Variants in CDH13 observed in about 807,000 individuals in gnomAD.
CDH13 encodes the protein cadherin-13.
A neutral mutation model predicts 63.8 loss-of-function variants in CDH13; 24 were observed. The observed-to-expected ratio is 0.38, with a 90% CI of 0.27 to 0.53. CDH13 has a LOEUF of 0.53. Among genes scored for constraint, CDH13 ranks in the 20% least tolerant of loss-of-function variants. The pLI, the probability that CDH13 is intolerant of heterozygous loss-of-function variation, is 0.85. For missense variants in CDH13, 1,049 were observed against 903.1 expected, an observed-to-expected ratio of 1.16 and a Z score of -2.07; for synonymous variants, 503 against 355.3, an observed-to-expected ratio of 1.42 and a Z score of -4.67.
chr16:82,778,154 T>C (rs1190800765), intron 1 of CDH13, among the ~76,000 whole-genome samples: 1 of 152,216 alleles, frequency 6.6e-6, no homozygotes, highest in Non-Finnish European at 1.5e-5. Context: ...GTGATTATTT[T>C]AACGCAAAAT....
intron 1 of CDH13, among the ~76,000 whole-genome samples, chr16:82,747,317 C>T (rs562210196): frequency 2.6e-5 from 4 of 152,194 alleles, no homozygotes; most frequent in East Asian, 1.9e-4. Context: ...GGAGTATGCA[C>T]GTTAAAGTTT....
intron 7 of CDH13, among the ~76,000 whole-genome samples, chr16:83,490,019 AC>A (rs2151568770): frequency 7.3e-6 from 1 of 136,502 alleles, no homozygotes; most frequent in African/African-American, 3.2e-5. Context: ...CCACACACAC[AC>A]ACACACACAC....
chr16:82,814,654 T>C (rs866989634), intron 1 of CDH13, among the ~76,000 whole-genome samples: 2 of 152,220 alleles, frequency 1.3e-5, no homozygotes, highest in East Asian at 1.9e-4. Context: ...CTCTTTGTAA[T>C]ATTCTTTATA....
At chr16:83,593,317 A>G (rs914573175) in intron 7 of CDH13, among the ~76,000 whole-genome samples, 5 of 152,198 alleles carry the variant, frequency 3.3e-5, no homozygotes, top group Non-Finnish European at 7.4e-5. Context: ...GCTAACAAAA[A>G]TGCCTTCTTA....
intron 5 of CDH13, among the ~76,000 whole-genome samples, chr16:83,326,970 G>T (rs1324946251): frequency 6.6e-6 from 1 of 152,212 alleles, no homozygotes; most frequent in Non-Finnish European, 1.5e-5. Context: ...TCCGGCCACA[G>T]TCATGTCTGG....
At chr16:82,928,410 A>G (rs1225466322) in intron 2 of CDH13, among the ~76,000 whole-genome samples, 1 of 152,182 alleles carries the variant, frequency 6.6e-6, no homozygotes, top group Non-Finnish European at 1.5e-5. Flanking sequence ...AGATAGGCCC[A>G]ATTAAAATTT....
At chr16:82,756,652 G>T (rs1472296671) in intron 1 of CDH13, among the ~76,000 whole-genome samples, 1 of 152,110 alleles carries the variant, frequency 6.6e-6, no homozygotes, top group East Asian at 1.9e-4. Context: ...GAGAATTATA[G>T]TATTAGCTAC....
intron 2 of CDH13, among the ~76,000 whole-genome samples, chr16:82,888,000 C>G (rs2040949794): frequency 1.3e-5 from 2 of 152,016 alleles, no homozygotes; most frequent in African/African-American, 4.8e-5. Context: ...ACTGTTACTT[C>G]AGAAAAGTAC....
Position 82,839,397 on chromosome 16 carries a change from A to G in CDH13, c.46-18965A>G, listed in dbSNP as rs551997372. On this transcript the variant is annotated intron_variant, in intron 1 of 13. Transcript: ENST00000567109. The stretch of plus-strand genomic sequence containing the variant: ...GGTTCCTGCGTCCATCTCTTGTCAC[A>G]TAGCTCAATTTGCGTGTGCCATCAA... Among the ~76,000 whole-genome samples the G allele has an allele frequency of 6.6e-4, 100 of 152,256 alleles. 3 individuals carry two copies. In the Middle Eastern group the frequency reaches 0.01, roughly 16 times the overall value.
chr16:82,734,571 C>G (rs975403193), intron 1 of CDH13, among the ~76,000 whole-genome samples: 1 of 152,188 alleles, frequency 6.6e-6, no homozygotes, highest in East Asian at 1.9e-4. Context: ...GATACATCCA[C>G]TGTCTTAGGT....
intron 2 of CDH13, among the ~76,000 whole-genome samples, chr16:82,967,469 C>G (rs1388428639): frequency 2.6e-5 from 4 of 152,220 alleles, no homozygotes; most frequent in Admixed American, 6.5e-5. Flanking sequence ...TAGTACAATT[C>G]TCAGTAAGCA....
intron 1 of CDH13, among the ~76,000 whole-genome samples, chr16:82,664,244 A>G (rs13329734): frequency 0.43 from 65,197 of 152,142 alleles, 14,921 homozygotes; most frequent in Non-Finnish European, 0.49. Context: ...TGTTCTTCAC[A>G]TGGCTGTGTC....
At chr16:83,672,566 A>G (rs915703227) in intron 9 of CDH13, among the ~76,000 whole-genome samples, 3 of 151,684 alleles carry the variant, frequency 2.0e-5, no homozygotes, top group Non-Finnish European at 4.4e-5. Context: ...CTGGGATTAC[A>G]GGTGCATGCC....
At chr16:83,670,249 G>A (rs780827293) in intron 8 of CDH13, among the ~76,000 whole-genome samples, 5 of 152,156 alleles carry the variant, frequency 3.3e-5, no homozygotes, top group South Asian at 4.1e-4. Flanking sequence ...AAGTCTTAAC[G>A]CTTGACTCAT....
rs532380442 is a variant in CDH13 at position 82,712,445 on chromosome 16, C to T, written c.45+85308C>T. Among the ~76,000 whole-genome samples, 11 of 152,222 alleles carry T rather than the reference C, an allele frequency of 7.2e-5. No individual in the cohort carries two copies. The South Asian group carries it at 1.9e-3, about 26-fold the overall frequency. ...AGGGAGGCATAATATCAGCACCTTG[C>T]GTATTCTTCTCCATGGTAATAAATC... is the stretch of plus-strand genomic sequence containing the variant. On this transcript the variant is annotated intron_variant, in intron 1 of 13. Coordinates refer to ENST00000567109, the MANE Select transcript of CDH13 (RefSeq NM_001257.5).
At chr16:83,202,975 C>T (rs550192960) in intron 4 of CDH13, among the ~76,000 whole-genome samples, 1 of 152,246 alleles carries the variant, frequency 6.6e-6, no homozygotes, top group Non-Finnish European at 1.5e-5. Flanking sequence ...CCTGTAATCC[C>T]AGTACTTTGG....
chr16:83,421,799 G>A (rs372917197), intron 6 of CDH13, among the ~76,000 whole-genome samples: 76 of 152,274 alleles, frequency 5.0e-4, no homozygotes, highest in Middle Eastern at 3.4e-3. Context: ...TGGAATTAAC[G>A]ACATCAGTGT....
intron 2 of CDH13, among the ~76,000 whole-genome samples, chr16:82,980,345 C>A (rs564004462): frequency 1.3e-5 from 2 of 152,008 alleles, no homozygotes; most frequent in Non-Finnish European, 2.9e-5. Context: ...TGGCTGGGTC[C>A]GTAAAGACCA....
chr16:82,832,040 G>A (rs1449718314), intron 1 of CDH13, among the ~76,000 whole-genome samples: 1 of 152,182 alleles, frequency 6.6e-6, no homozygotes, highest in African/African-American at 2.4e-5. Flanking sequence ...AATTAGAATA[G>A]AAGTTACATA....
Sources: allele counts gnomAD v4.1 joint callset (sites outside exome capture counted in the v4.1 genomes callset), GRCh38; gene constraint gnomAD v4.1.1; transcripts MANE v1.5; gene names NCBI Gene and HGNC (gene_info 2026-07-23, HGNC 2026-07-21).